Variants in FOCAD observed in about 807,000 individuals in gnomAD.
The protein encoded by FOCAD is focadhesin, also known as KIAA1797.
FOCAD carries 198 observed loss-of-function variants against 225.6 expected under a neutral mutation model. The ratio of observed to expected loss-of-function variants is 0.88; its 90% CI spans 0.78 to 0.99. The LOEUF (loss-of-function observed/expected upper bound fraction) is 0.99, where lower values mean the gene tolerates loss of function less well. Among genes scored for constraint, FOCAD ranks in the 50% least tolerant of loss-of-function variants. The pLI, the probability that FOCAD is intolerant of heterozygous loss-of-function variation, is 0.00. For missense variants in FOCAD, 2,713 were observed against 2,123.6 expected, an observed-to-expected ratio of 1.28 and a Z score of -5.46; for synonymous variants, 897 against 755.0, an observed-to-expected ratio of 1.19 and a Z score of -3.08.
chr9:20,846,962 A>C (rs964990267), intron 15 of FOCAD, among the ~76,000 whole-genome samples: 4 of 152,160 alleles, frequency 2.6e-5, no homozygotes, highest in African/African-American at 9.6e-5. Flanking sequence ...AGGGTCACAT[A>C]GCTACTTAGT....
chr9:20,817,592 G>A (rs2131393964), intron 11 of FOCAD, among the ~76,000 whole-genome samples: 1 of 151,498 alleles, frequency 6.6e-6, no homozygotes, highest in South Asian at 2.1e-4. Flanking sequence ...GTCAGTTGAT[G>A]GGCATTGGGT....
chr9:20,689,449 C>T (rs958790812), intron 1 of FOCAD, among the ~76,000 whole-genome samples: 5 of 52,974 alleles, frequency 9.4e-5, no homozygotes, highest in East Asian at 5.8e-4. Context: ...AAAAGTACAG[C>T]GGGTGGGGGT....
chr9:20,721,952 C>T (rs1326947064), intron 4 of FOCAD, among the ~76,000 whole-genome samples: 3 of 46,254 alleles, frequency 6.5e-5, no homozygotes, highest in Admixed American at 5.5e-4. Context: ...TCTCCCTTCC[C>T]CTCCCCTCCC....
chr9:20,755,917 C>A (rs1360759996), intron 5 of FOCAD, among the ~76,000 whole-genome samples: 1 of 152,092 alleles, frequency 6.6e-6, no homozygotes, highest in East Asian at 1.9e-4. Flanking sequence ...GCCTTGGCCT[C>A]CCAAAGTGCT....
In FOCAD at chr9:20,951,064, A is replaced by G. The variant is rs910375462; in HGVS notation, c.4017A>G (p.Leu1339=). 6.8e-6 allele frequency: 11 copies of G among 1,613,382 alleles called. No homozygotes were observed. Among genetic ancestry groups the G allele is most frequent in the Non-Finnish European group, 9.3e-6 (11 of 1,179,602 alleles). Reference sequence around the variant, plus strand: ...TCTGGCTTCTTGGACATCTTCATCTATCTACTCTATCCTCAAGTCAAAGTA... The same window carrying G: ...TCTGGCTTCTTGGACATCTTCATCTGTCTACTCTATCCTCAAGTCAAAGTA... ...NAVWLLGHLH[L]STLSSSQSRA... The change falls in exon 34 of 44, where the codon CTA becomes CTG. Residue 1339 remains leucine (L), a synonymous_variant. Coordinates refer to ENST00000338382, the MANE Select transcript of FOCAD (RefSeq NM_001375567.1).
intron 24 of FOCAD, among the ~76,000 whole-genome samples, chr9:20,921,370 G>A (rs1165150720): frequency 6.6e-6 from 1 of 152,158 alleles, no homozygotes; most frequent in Non-Finnish European, 1.5e-5. Context: ...CTCTGTGGAA[G>A]CTGACATGTT....
intron 35 of FOCAD, 163 bp from the exon 36 acceptor site, chr9:20,976,257 C>A (rs892452429): frequency 2.0e-5 from 11 of 559,588 alleles, no homozygotes; most frequent in African/African-American, 3.8e-5. Flanking sequence ...GCTTTTCTGG[C>A]AAATGGAGTT....
intron 6 of FOCAD, among the ~76,000 whole-genome samples, chr9:20,758,971 T>C (rs1161212741): frequency 3.3e-5 from 5 of 151,952 alleles, no homozygotes; most frequent in East Asian, 3.9e-4. Flanking sequence ...TATACACCAA[T>C]AACAGACAAA....
chr9:20,866,809 C>A, intron 17 of FOCAD, 120 bp from the exon 18 acceptor site: 1 of 601,920 alleles, frequency 1.7e-6, no homozygotes, highest in South Asian at 2.2e-5. Context: ...GACTGTAGAA[C>A]TTTGGGATTG....
intron 15 of FOCAD, among the ~76,000 whole-genome samples, chr9:20,838,033 T>G (rs761066829): frequency 1.3e-5 from 2 of 152,158 alleles, no homozygotes; most frequent in Non-Finnish European, 2.9e-5. Flanking sequence ...TTATATAATT[T>G]ATCAGAAAGC....
At chr9:20,905,933 A>ATTTTT (rs35095102) in intron 21 of FOCAD, among the ~76,000 whole-genome samples, 2 of 148,076 alleles carry the variant, frequency 1.4e-5, no homozygotes, top group Non-Finnish European at 3.0e-5. Flanking sequence ...ACTGTTTGAG[A>ATTTTT]TTTTTTTTTT....
In FOCAD at chr9:20,770,266, C is replaced by T. The variant is rs748927158; in HGVS notation, c.906+28C>T. 5 of 1,562,648 alleles carry T rather than the reference C, an allele frequency of 3.2e-6. No homozygotes were observed. The African/African-American group carries it at 6.8e-5, about 21-fold the overall frequency. On this transcript the variant is annotated intron_variant, in intron 8 of 43. Coordinates refer to ENST00000338382, the MANE Select transcript of FOCAD (RefSeq NM_001375567.1). ...AAGGATAGTAGTATATTATACTGTT[C>T]ATGCATTGCTATTAAGAAATACCTG...
intron 11 of FOCAD, among the ~76,000 whole-genome samples, chr9:20,817,466 C>T (rs1207875661): frequency 6.6e-6 from 1 of 152,038 alleles, no homozygotes; most frequent in African/African-American, 2.4e-5. Flanking sequence ...TTTTTTTTCT[C>T]TTACCATAAT....
intron 25 of FOCAD, among the ~76,000 whole-genome samples, chr9:20,924,084 C>T (rs910531772): frequency 1.3e-5 from 2 of 152,154 alleles, no homozygotes; most frequent in Admixed American, 1.3e-4. Context: ...TGAACAATGC[C>T]GTCAAAATGA....
chr9:20,994,564 C>T (rs1841918536), intron 43 of FOCAD, among the ~76,000 whole-genome samples: 1 of 152,198 alleles, frequency 6.6e-6, no homozygotes, highest in Non-Finnish European at 1.5e-5. Flanking sequence ...TAATCTGTCT[C>T]CTCAAAGTGG....
At chr9:20,826,606 C>T (rs909495426) in intron 15 of FOCAD, among the ~76,000 whole-genome samples, 1 of 152,078 alleles carries the variant, frequency 6.6e-6, no homozygotes, top group Non-Finnish European at 1.5e-5. Context: ...CATCTTTCCT[C>T]TTCTGTCCCT....
chr9:20,885,231 G>T lies in FOCAD; in HGVS notation c.2625+1G>T, dbSNP rs1249340123. ...GACTTCACTTGCTCTTGTACATGAG[G>T]TAGGTTCCCGTGTCCTCTTCTTTAT... is the stretch of plus-strand genomic sequence containing the variant. On this transcript the variant is annotated splice_donor_variant, in intron 21 of 43. Coordinates refer to ENST00000338382, the MANE Select transcript of FOCAD (RefSeq NM_001375567.1). LOFTEE classifies it high-confidence loss of function. 6.6e-7 allele frequency: 1 copy of T among 1,506,246 alleles called. No individual in the cohort carries two copies. Among genetic ancestry groups the T allele is most frequent in the Non-Finnish European group, 8.9e-7 (1 of 1,126,060 alleles). The allele number at this position is 1,506,246 out of a possible 1,614,324, so 93.3% of individuals were successfully genotyped here. A position where few individuals can be genotyped will look rare whatever the true frequency, so the allele number is the denominator to read the frequency against.
chr9:20,992,500 TAGGGCTCTGAAGC>T (rs1841756683), intron 42 of FOCAD, among the ~76,000 whole-genome samples: 1 of 152,140 alleles, frequency 6.6e-6, no homozygotes, highest in African/African-American at 2.4e-5. Context: ...AGAAAGAGCA[TAGGGCTCTGAAGC>T]CAAGTGTACT....
At chr9:20,787,769 G>T (rs1820074450) in intron 10 of FOCAD, among the ~76,000 whole-genome samples, 1 of 150,218 alleles carries the variant, frequency 6.7e-6, no homozygotes, top group South Asian at 2.1e-4. Context: ...ACTTTTCTTT[G>T]CATGTACAAG....
Sources: gnomAD v4.1 joint callset for allele counts (sites outside exome capture counted in the v4.1 genomes callset) on GRCh38, gnomAD v4.1.1 for gene constraint, MANE v1.5 for transcripts, NCBI Gene and HGNC (gene_info 2026-07-23, HGNC 2026-07-21) for gene names.